The following RBFOX1 variants were observed in gnomAD, a reference collection of about 807,000 sequenced individuals.
RBFOX1 encodes the protein RNA binding protein fox-1 homolog 1.
A neutral mutation model predicts 57.7 loss-of-function variants in RBFOX1; 8 were observed. The ratio of observed to expected loss-of-function variants is 0.14; its 90% CI spans 0.08 to 0.25. The LOEUF is 0.25. RBFOX1 is among the 10% of genes least tolerant of loss of function. The pLI is 1.00. For synonymous variants in RBFOX1, 326 were observed against 222.4 expected, an observed-to-expected ratio of 1.47 and a Z score of -4.15; for missense variants, 611 against 548.5, an observed-to-expected ratio of 1.11 and a Z score of -1.14.
intron 3 of RBFOX1, among the ~76,000 whole-genome samples, chr16:6,916,258 C>G (rs569124569): frequency 6.6e-6 from 1 of 152,238 alleles, no homozygotes; most frequent in African/African-American, 2.4e-5. Flanking sequence ...GATTAGCATC[C>G]AAGATGGAGT....
intron 3 of RBFOX1, among the ~76,000 whole-genome samples, chr16:6,685,513 C>G (rs2059321058): frequency 6.8e-6 from 1 of 147,406 alleles, no homozygotes; most frequent in Admixed American, 7.0e-5. Context: ...CTGTCGAACT[C>G]CTCACCTCCG....
At chr16:7,098,279 CCT>C (rs1023975336) in intron 4 of RBFOX1, among the ~76,000 whole-genome samples, 1 of 152,196 alleles carries the variant, frequency 6.6e-6, no homozygotes, top group Non-Finnish European at 1.5e-5. Flanking sequence ...AAGCCATTCT[CCT>C]CTCTCAGCCA....
At chr16:6,664,606 G>A (rs941795971) in intron 3 of RBFOX1, among the ~76,000 whole-genome samples, 2 of 152,178 alleles carry the variant, frequency 1.3e-5, no homozygotes, top group African/African-American at 4.8e-5. Flanking sequence ...CCCACCACCA[G>A]TGAGATTCGA....
chr16:6,993,018 G>A (rs960198483), intron 3 of RBFOX1, among the ~76,000 whole-genome samples: 7 of 152,116 alleles, frequency 4.6e-5, no homozygotes, highest in Non-Finnish European at 7.4e-5. Flanking sequence ...GTTCTTGTCT[G>A]AATTTCTGAT....
At chr16:5,900,483 G>T (rs946024992) in intron 4 of RBFOX1, among the ~76,000 whole-genome samples, 1 of 152,152 alleles carries the variant, frequency 6.6e-6, no homozygotes, top group Non-Finnish European at 1.5e-5. Context: ...AAGAAATGAA[G>T]ATTCTGTTTC....
chr16:5,856,547 G>GTGTGTGTGTGTGTA (rs2057065396), intron 3 of RBFOX1, among the ~76,000 whole-genome samples: 1 of 62,506 alleles, frequency 1.6e-5, no homozygotes, highest in African/African-American at 6.4e-5. Flanking sequence ...ATGTGTGTGT[G>GTGTGTGTGTGTGTA]TGTGTGTGTG....
intron 2 of RBFOX1, among the ~76,000 whole-genome samples, chr16:6,653,697 G>C (rs1399985307): frequency 6.6e-6 from 1 of 150,938 alleles, no homozygotes; most frequent in East Asian, 2.0e-4. Flanking sequence ...GATGAAGGAA[G>C]GAAAGATGGA....
chr16:6,884,426 A>C (rs1345698231), intron 3 of RBFOX1, among the ~76,000 whole-genome samples: 1 of 152,200 alleles, frequency 6.6e-6, no homozygotes, highest in Non-Finnish European at 1.5e-5. Flanking sequence ...TGAGGACAGT[A>C]AAGTCTCTGC....
chr16:6,098,181 A>G lies in RBFOX1; in HGVS notation c.-127+78189A>G, dbSNP rs1325900572. On this transcript the variant is annotated intron_variant, in intron 1 of 15. Transcript: ENST00000550418. ...ACACTTTGCAAACTTTACCTCATTA[A>G]TCTTCCCCACCCTGGGAGGGCCTGT... Among the ~76,000 whole-genome samples the G allele has an allele frequency of 2.6e-5, 4 of 152,184 alleles. No individual in the cohort carries two copies. In the South Asian group the frequency reaches 8.3e-4, roughly 32 times the overall value.
At chr16:6,140,778 C>T (rs1375693840) in intron 1 of RBFOX1, among the ~76,000 whole-genome samples, 1 of 152,148 alleles carries the variant, frequency 6.6e-6, no homozygotes, top group African/African-American at 2.4e-5. Flanking sequence ...ACATCTTTAG[C>T]ATCTTTCATT....
chr16:5,558,081 T>G (rs35133407), intron 2 of RBFOX1, among the ~76,000 whole-genome samples: 69,571 of 151,884 alleles, frequency 0.46, 16,262 homozygotes, highest in East Asian at 0.6. Flanking sequence ...CATCCATCTT[T>G]CTGAGAGCCA....
intron 14 of RBFOX1, among the ~76,000 whole-genome samples, chr16:7,688,287 C>T (rs1051551296): frequency 2.8e-5 from 4 of 143,232 alleles, no homozygotes; most frequent in African/African-American, 1.1e-4. Flanking sequence ...GAGAGAGATT[C>T]AATATTCATA....
At chr16:6,064,219 C>G (rs541730480) in intron 1 of RBFOX1, among the ~76,000 whole-genome samples, 2 of 152,126 alleles carry the variant, frequency 1.3e-5, no homozygotes, top group African/African-American at 2.4e-5. Flanking sequence ...ATGACCTATA[C>G]GTTCTTTAAA....
At chr16:7,281,951 T>G (rs2095552555) in intron 4 of RBFOX1, among the ~76,000 whole-genome samples, 1 of 152,160 alleles carries the variant, frequency 6.6e-6, no homozygotes. Context: ...CTGCAACCTC[T>G]ACCTCCTGGG....
chr16:5,628,709 G>A (rs758144716), intron 3 of RBFOX1, among the ~76,000 whole-genome samples: 2 of 152,196 alleles, frequency 1.3e-5, no homozygotes, highest in Non-Finnish European at 2.9e-5. Flanking sequence ...TCAAGCCAGG[G>A]TTGACATAGC....
chr16:6,491,563 A>C (rs975371148), intron 2 of RBFOX1, among the ~76,000 whole-genome samples: 2 of 152,216 alleles, frequency 1.3e-5, no homozygotes, highest in African/African-American at 4.8e-5. Context: ...AGTATATAGA[A>C]TTGCACATCA....
chr16:6,919,532 G>T (rs746958668), intron 3 of RBFOX1, among the ~76,000 whole-genome samples: 1 of 151,834 alleles, frequency 6.6e-6, no homozygotes, highest in Non-Finnish European at 1.5e-5. Context: ...TCCCAAGAGA[G>T]ATCCAGAACC....
intron 3 of RBFOX1, among the ~76,000 whole-genome samples, chr16:5,716,382 A>T: frequency 6.6e-6 from 1 of 152,116 alleles, no homozygotes; most frequent in East Asian, 1.9e-4. Flanking sequence ...ATTTTTCCTG[A>T]TCCTCTCCCT....
At chr16:6,614,648 C>T (rs1400947123) in intron 2 of RBFOX1, among the ~76,000 whole-genome samples, 1 of 152,152 alleles carries the variant, frequency 6.6e-6, no homozygotes, top group African/African-American at 2.4e-5. Flanking sequence ...GAGGAAGTAG[C>T]CTCTTTCCTT....
Sources: gnomAD v4.1 joint callset for allele counts (sites outside exome capture counted in the v4.1 genomes callset) on GRCh38, gnomAD v4.1.1 for gene constraint, MANE v1.5 for transcripts, NCBI Gene and HGNC (gene_info 2026-07-23, HGNC 2026-07-21) for gene names.